The following NRG3 variants were observed in gnomAD, a reference collection of about 807,000 sequenced individuals.
NRG3 encodes the protein pro-neuregulin-3, membrane-bound isoform.
Under a neutral mutation model 66.9 loss-of-function variants are expected in NRG3, and 31 were observed. The ratio of observed to expected loss-of-function variants is 0.46; its 90% CI spans 0.35 to 0.63. NRG3 has a LOEUF of 0.63. Ranked by LOEUF, NRG3 falls within the 20% of genes least tolerant of loss-of-function variation. The probability of loss-of-function intolerance (pLI) is 0.00; values close to 1 mark genes in which losing one functional copy is unlikely to be tolerated. For synonymous variants in NRG3, 393 were observed against 359.4 expected, an observed-to-expected ratio of 1.09 and a Z score of -1.06; for missense variants, 910 against 878.9, an observed-to-expected ratio of 1.04 and a Z score of -0.45.
intron 1 of NRG3, among the ~76,000 whole-genome samples, chr10:81,979,017 C>T (rs549562350): frequency 1.1e-3 from 171 of 152,054 alleles, no homozygotes; most frequent in African/African-American, 4.0e-3. Context: ...GATGAAACCC[C>T]GTCTCTATTA....
intron 1 of NRG3, among the ~76,000 whole-genome samples, chr10:82,111,816 A>G (rs558357287): frequency 2.6e-5 from 4 of 152,322 alleles, no homozygotes; most frequent in Non-Finnish European, 4.4e-5. Context: ...ACTAATTTGC[A>G]ATGAATTTAC....
At chr10:82,964,371 T>C (rs1252452125) in intron 6 of NRG3, among the ~76,000 whole-genome samples, 1 of 152,190 alleles carries the variant, frequency 6.6e-6, no homozygotes, top group Non-Finnish European at 1.5e-5. Context: ...CTCAGCTCTC[T>C]AAAAAGGTGC....
intron 1 of NRG3, among the ~76,000 whole-genome samples, chr10:81,945,481 T>C (rs1848766741): frequency 6.6e-6 from 1 of 152,176 alleles, no homozygotes; most frequent in South Asian, 2.1e-4. Flanking sequence ...TAAATTGCGA[T>C]TTTGCCCATA....
At chr10:82,702,813 A>G (rs1191964195) in intron 2 of NRG3, among the ~76,000 whole-genome samples, 1 of 152,172 alleles carries the variant, frequency 6.6e-6, no homozygotes, top group Non-Finnish European at 1.5e-5. Context: ...AGTAAATAAT[A>G]AGGGACAATA....
At chr10:82,656,626 A>T (rs1041268552) in intron 2 of NRG3, among the ~76,000 whole-genome samples, 1 of 151,736 alleles carries the variant, frequency 6.6e-6, no homozygotes, top group East Asian at 1.9e-4. Flanking sequence ...ACCTGTCTGA[A>T]CCATTTGCCC....
chr10:82,649,138 T>A (rs1295024012), intron 2 of NRG3, among the ~76,000 whole-genome samples: 1 of 151,950 alleles, frequency 6.6e-6, no homozygotes, highest in Admixed American at 6.6e-5. Context: ...ATTAGGCAGG[T>A]GAAGGAAATA....
At chr10:82,819,597 C>A (rs2061859010) in intron 3 of NRG3, among the ~76,000 whole-genome samples, 1 of 151,812 alleles carries the variant, frequency 6.6e-6, no homozygotes, top group Non-Finnish European at 1.5e-5. Context: ...TAATATTTAC[C>A]CAAGATTCTT....
intron 1 of NRG3, among the ~76,000 whole-genome samples, chr10:81,977,678 TGAAAA>T (rs1294868243): frequency 6.6e-6 from 1 of 152,180 alleles, no homozygotes; most frequent in Non-Finnish European, 1.5e-5. Flanking sequence ...ATTTTCTAAA[TGAAAA>T]CACTCTGTGG....
intron 4 of NRG3, among the ~76,000 whole-genome samples, chr10:82,896,232 G>C (rs1843653287): frequency 6.6e-6 from 1 of 152,184 alleles, no homozygotes; most frequent in Non-Finnish European, 1.5e-5. Flanking sequence ...CATCCTACCA[G>C]TTAATGCTCA....
chr10:82,431,838 A>G (rs1386376360), intron 2 of NRG3, among the ~76,000 whole-genome samples: 1 of 152,182 alleles, frequency 6.6e-6, no homozygotes, highest in Non-Finnish European at 1.5e-5. Flanking sequence ...AAAAATGGAC[A>G]ATACATATTA....
chr10:82,955,710 T>C (rs1239076176), intron 5 of NRG3, among the ~76,000 whole-genome samples: 1 of 151,818 alleles, frequency 6.6e-6, no homozygotes, highest in Non-Finnish European at 1.5e-5. Context: ...CCCCTTGAAG[T>C]AAGAGATTTT....
chr10:82,806,592 A>G (rs2061294149), intron 3 of NRG3, among the ~76,000 whole-genome samples: 1 of 152,204 alleles, frequency 6.6e-6, no homozygotes, highest in African/African-American at 2.4e-5. Flanking sequence ...CTCTCTAGAA[A>G]AGGCATTGAT....
chr10:82,746,777 C>T (rs2058663901), intron 3 of NRG3, among the ~76,000 whole-genome samples: 2 of 150,622 alleles, frequency 1.3e-5, no homozygotes. Flanking sequence ...ACACAATATA[C>T]TCATTTGCCT....
intron 3 of NRG3, among the ~76,000 whole-genome samples, chr10:82,824,825 C>T (rs1232665010): frequency 6.6e-6 from 1 of 151,700 alleles, no homozygotes; most frequent in African/African-American, 2.4e-5. Flanking sequence ...CAAGTCATCC[C>T]CCCATTTCAG....
At chr10:81,964,205 A>G (rs969608870) in intron 1 of NRG3, among the ~76,000 whole-genome samples, 14 of 152,126 alleles carry the variant, frequency 9.2e-5, no homozygotes, top group African/African-American at 1.9e-4. Flanking sequence ...ATCATATTCT[A>G]TATATTGTGG....
At chr10:82,648,228 G>T (rs1164128032) in intron 2 of NRG3, among the ~76,000 whole-genome samples, 1 of 152,102 alleles carries the variant, frequency 6.6e-6, no homozygotes, top group African/African-American at 2.4e-5. Flanking sequence ...CATATGGCTA[G>T]CCAGTTTTCC....
chr10:82,232,505 G>T lies in NRG3; in HGVS notation c.824-126234G>T, dbSNP rs1589409497. ...AGTAGAGATGGCTCTTCTCCTAACA[G>T]GTGCTCCTCAAATTCCAGATCTCAT... is the stretch of plus-strand genomic sequence containing the variant. On this transcript the variant is annotated intron_variant, in intron 1 of 8. Coordinates refer to ENST00000372141, the MANE Select transcript of NRG3 (RefSeq NM_001010848.4). The T allele has an allele frequency of 2.3e-5, 11 of 468,654 alleles. No homozygotes were observed. The East Asian group carries it at 4.3e-4, about 18-fold the overall frequency. 29.0% of individuals were successfully genotyped at this position (468,654 alleles called of 1,614,324 possible).
intron 2 of NRG3, among the ~76,000 whole-genome samples, chr10:82,597,092 T>C (rs1590815137): frequency 1.3e-5 from 2 of 152,212 alleles, no homozygotes; most frequent in African/African-American, 4.8e-5. Flanking sequence ...ATTTTCAGTA[T>C]TGAGTTGAAA....
chr10:82,131,812 CT>C (rs1166161783), intron 1 of NRG3, among the ~76,000 whole-genome samples: 1 of 151,938 alleles, frequency 6.6e-6, no homozygotes, highest in Non-Finnish European at 1.5e-5. Flanking sequence ...AATGAGATTA[CT>C]TTTTTATTTC....
Sources: allele counts gnomAD v4.1 joint callset (sites outside exome capture counted in the v4.1 genomes callset), GRCh38; gene constraint gnomAD v4.1.1; transcripts MANE v1.5; gene names NCBI Gene and HGNC (gene_info 2026-07-23, HGNC 2026-07-21).